The following NCAM1 variants were observed in gnomAD, a reference collection of about 807,000 sequenced individuals.
NCAM1 encodes neural cell adhesion molecule 1.
NCAM1 carries 14 observed loss-of-function variants against 109.8 expected under a neutral mutation model. The ratio of observed to expected loss-of-function variants is 0.13; its 90% CI spans 0.08 to 0.20. NCAM1 has a LOEUF of 0.20. NCAM1 is among the 10% of genes least tolerant of loss of function. NCAM1 has a pLI of 1.00. For missense variants in NCAM1, 774 were observed against 1,109.9 expected (o/e 0.70, Z 4.30); for synonymous variants, 418 against 442.9 (o/e 0.94, Z 0.70).
intron 1 of NCAM1, among the ~76,000 whole-genome samples, chr11:113,016,336 G>A (rs1952204257): frequency 6.6e-6 from 1 of 152,182 alleles, no homozygotes; most frequent in Non-Finnish European, 1.5e-5. Flanking sequence ...AGGGTTGCAA[G>A]GTGATGACCT....
At chr11:113,043,348 A>T (rs138662564) in intron 1 of NCAM1, among the ~76,000 whole-genome samples, 1,667 of 151,766 alleles carry the variant, frequency 0.011, 31 homozygotes, top group African/African-American at 0.038. Context: ...TTATTTATTT[A>T]TTTTTTGAGA....
chr11:113,221,458 C>T, intron 9 of NCAM1, 133 bp downstream of exon 9: 2 of 880,646 alleles, frequency 2.3e-6, no homozygotes, highest in South Asian at 3.3e-5. Flanking sequence ...TAGTGGTAGA[C>T]ATTACTTAGC....
At chr11:113,143,856 C>T (rs1053183365) in intron 1 of NCAM1, among the ~76,000 whole-genome samples, 8 of 152,116 alleles carry the variant, frequency 5.3e-5, no homozygotes, top group African/African-American at 9.7e-5. Flanking sequence ...TGTGTGTATT[C>T]GTTGCGCTGT....
At chr11:113,107,581 A>G (rs533862312) in intron 1 of NCAM1, among the ~76,000 whole-genome samples, 2 of 152,176 alleles carry the variant, frequency 1.3e-5, no homozygotes, top group Admixed American at 6.5e-5. Flanking sequence ...GGCATTTCTT[A>G]TGTGCTGACA....
At chr11:113,021,648 C>T (rs1451080403) in intron 1 of NCAM1, among the ~76,000 whole-genome samples, 1 of 152,154 alleles carries the variant, frequency 6.6e-6, no homozygotes, top group Non-Finnish European at 1.5e-5. Flanking sequence ...GTCTCTGTTA[C>T]ACAAAATGCA....
chr11:113,144,380 G>T (rs1941937892), intron 1 of NCAM1, among the ~76,000 whole-genome samples: 1 of 152,150 alleles, frequency 6.6e-6, no homozygotes, highest in East Asian at 1.9e-4. Flanking sequence ...ATATGATTTT[G>T]TTCTACTTCT....
rs147545512 is a variant in NCAM1 at position 113,237,054 on chromosome 11, C to T, written c.1825+1890C>T. Among the ~76,000 whole-genome samples the T allele has an allele frequency of 5.9e-5, 9 of 152,338 alleles. No individual in the cohort carries two copies. The East Asian group carries it at 1.7e-3, about 29-fold the overall frequency. ...CTAACCAGCTAATGTAGGAACTCTT[C>T]TGCCATGCATGCTAGGGAAGGGGAG... On this transcript the variant is annotated intron_variant, in intron 14 of 19. Coordinates refer to ENST00000316851, the MANE Select transcript of NCAM1 (RefSeq NM_181351.5).
intron 1 of NCAM1, among the ~76,000 whole-genome samples, chr11:113,045,879 G>A (rs1413490129): frequency 1.3e-5 from 2 of 151,110 alleles, no homozygotes; most frequent in East Asian, 1.9e-4. Flanking sequence ...TTCTAACTGT[G>A]TTACATTATC....
intron 1 of NCAM1, among the ~76,000 whole-genome samples, chr11:113,099,898 A>G (rs1939790420): frequency 6.6e-6 from 1 of 152,168 alleles, no homozygotes; most frequent in Non-Finnish European, 1.5e-5. Context: ...CATATTGGCC[A>G]GGCTGTTCTC....
rs782012988 is a variant in NCAM1, at chr11:113,207,883, G to A, written c.797G>A (p.Ser266Asn). The change falls in exon 7 of 20, where the codon AGC becomes AAC. Residue 266 changes from serine (S) to asparagine (N), a missense_variant. By Grantham distance (46) the Ser-to-Asn change is conservative (BLOSUM62 1). Coordinates refer to ENST00000316851, the MANE Select transcript of NCAM1 (RefSeq NM_181351.5). The stretch of plus-strand genomic sequence containing the variant: ...GAAGACGATGAGAAGTACATCTTCA[G>A]CGACGATAGTTCCCAGCTGACCATC... ...QEEDDEKYIFSDDSSQLTIKK... is the reference protein window; with the variant it reads ...QEEDDEKYIFNDDSSQLTIKK... The A allele has an allele frequency of 3.7e-6, 6 of 1,611,842 alleles. No individual in the cohort carries two copies. Among genetic ancestry groups the A allele is most frequent in the Admixed American group, 1.7e-5 (1 of 59,796 alleles).
At chr11:112,984,212 T>C (rs1392714119) in intron 1 of NCAM1, among the ~76,000 whole-genome samples, 1 of 152,020 alleles carries the variant, frequency 6.6e-6, no homozygotes, top group Non-Finnish European at 1.5e-5. Flanking sequence ...TTGGTTTATC[T>C]GTATTGCCTT....
chr11:113,217,170 A>G (rs2137048995), intron 8 of NCAM1, among the ~76,000 whole-genome samples: 1 of 152,350 alleles, frequency 6.6e-6, no homozygotes, highest in South Asian at 2.1e-4. Context: ...GAGGTCATCC[A>G]GTCTCACCTG....
intron 1 of NCAM1, among the ~76,000 whole-genome samples, chr11:113,023,262 G>T (rs1472379676): frequency 6.6e-6 from 1 of 152,224 alleles, no homozygotes; most frequent in African/African-American, 2.4e-5. Context: ...ATATTGGGTA[G>T]TTGATTGAAA....
chr11:113,229,948 G>A (rs770910444), intron 9 of NCAM1, among the ~76,000 whole-genome samples: 17 of 152,050 alleles, frequency 1.1e-4, no homozygotes, highest in South Asian at 8.3e-4. Flanking sequence ...TGGGGGGAGC[G>A]GGGAGGGATA....
At chr11:113,143,554 A>G (rs1336396299) in intron 1 of NCAM1, among the ~76,000 whole-genome samples, 2 of 152,234 alleles carry the variant, frequency 1.3e-5, no homozygotes, top group Non-Finnish European at 2.9e-5. Context: ...ACCATCTCAT[A>G]AGCAAATAAT....
intron 1 of NCAM1, among the ~76,000 whole-genome samples, chr11:113,082,349 T>G (rs1555087391): frequency 6.6e-6 from 1 of 152,232 alleles, no homozygotes; most frequent in South Asian, 2.1e-4. Flanking sequence ...GTGTATCTCC[T>G]GAGATGCAGA....
chr11:113,112,441 G>A (rs532057436), intron 1 of NCAM1, among the ~76,000 whole-genome samples: 19 of 152,264 alleles, frequency 1.2e-4, no homozygotes, highest in African/African-American at 4.3e-4. Flanking sequence ...TTTCAAAAAT[G>A]ACATCAGCTA....
chr11:113,085,410 C>T lies in NCAM1; in HGVS notation c.53-116969C>T, dbSNP rs561959537. 2.0e-4 allele frequency among the ~76,000 whole-genome samples: 31 copies of T among 152,336 alleles called. No individual in the cohort carries two copies. The South Asian group carries it at 3.1e-3, about 15-fold the overall frequency. ...TGCCTCCAGCTCTGCAGTTATCATT[C>T]GTATTAGCCCCCTTGTGTGATTGCC... On this transcript the variant is annotated intron_variant, in intron 1 of 19. Transcript: ENST00000316851.
At chr11:113,212,365 C>G (rs1046233671) in intron 7 of NCAM1, among the ~76,000 whole-genome samples, 12 of 152,088 alleles carry the variant, frequency 7.9e-5, no homozygotes, top group African/African-American at 2.2e-4. Flanking sequence ...TATGGTTTGC[C>G]TTTTTTCTAA....
Sources: gnomAD v4.1 joint callset for allele counts (sites outside exome capture counted in the v4.1 genomes callset) on GRCh38, gnomAD v4.1.1 for gene constraint, MANE v1.5 for transcripts, NCBI Gene and HGNC (gene_info 2026-07-23, HGNC 2026-07-21) for gene names.